Variants in RBFOX1 observed in about 807,000 individuals in gnomAD.
The protein encoded by RBFOX1 is RNA binding protein fox-1 homolog 1.
In RBFOX1, 8 loss-of-function variants were observed where a neutral mutation model predicts 57.7. That is an observed-to-expected ratio of 0.14 (90% CI 0.08 to 0.25). The LOEUF (loss-of-function observed/expected upper bound fraction) is 0.25. Among genes scored for constraint, RBFOX1 ranks in the 10% least tolerant of loss-of-function variants. The pLI is 1.00. For missense variants in RBFOX1, 611 were observed against 548.5 expected, an observed-to-expected ratio of 1.11 and a Z score of -1.14; for synonymous variants, 326 against 222.4, an observed-to-expected ratio of 1.47 and a Z score of -4.15.
chr16:6,601,628 C>G (rs189174287), intron 2 of RBFOX1, among the ~76,000 whole-genome samples: 2 of 152,278 alleles, frequency 1.3e-5, no homozygotes, highest in Non-Finnish European at 2.9e-5. Context: ...ATCCTTGGGA[C>G]TAGCTCGCTC....
intron 2 of RBFOX1, among the ~76,000 whole-genome samples, chr16:5,469,371 A>G (rs2069057753): frequency 6.6e-6 from 1 of 152,112 alleles, no homozygotes; most frequent in Non-Finnish European, 1.5e-5. Flanking sequence ...CATCTAATGA[A>G]GTGTTTGTTG....
intron 5 of RBFOX1, among the ~76,000 whole-genome samples, chr16:7,542,039 G>C (rs1268847388): frequency 6.6e-6 from 1 of 152,216 alleles, no homozygotes; most frequent in African/African-American, 2.4e-5. Flanking sequence ...CTGGGAAGAA[G>C]TGTGGGTACT....
intron 3 of RBFOX1, among the ~76,000 whole-genome samples, chr16:6,994,340 G>A (rs2091950915): frequency 6.6e-6 from 1 of 152,144 alleles, no homozygotes; most frequent in Non-Finnish European, 1.5e-5. Context: ...AGAGTCTAAT[G>A]ATCTTAAAGT....
intron 4 of RBFOX1, among the ~76,000 whole-genome samples, chr16:5,926,354 G>A (rs1362360282): frequency 6.6e-6 from 1 of 152,134 alleles, no homozygotes; most frequent in Non-Finnish European, 1.5e-5. Flanking sequence ...CAGGGATACT[G>A]GCTGTTCTTA....
intron 4 of RBFOX1, among the ~76,000 whole-genome samples, chr16:5,961,072 A>T (rs2059738205): frequency 6.6e-6 from 1 of 152,174 alleles, no homozygotes; most frequent in Non-Finnish European, 1.5e-5. Context: ...AAGTTTGAGA[A>T]ATGTGTTTTC....
chr16:5,574,176 C>G (rs1310342099), intron 2 of RBFOX1, among the ~76,000 whole-genome samples: 1 of 152,038 alleles, frequency 6.6e-6, no homozygotes, highest in Non-Finnish European at 1.5e-5. Context: ...ATGAGGGCAT[C>G]GAGTTCATTG....
rs536388617 is a variant in RBFOX1, at chr16:7,179,202, T to C, written c.27+127104T>C. Among the ~76,000 whole-genome samples, 44 of 150,646 alleles carry C rather than the reference T, an allele frequency of 2.9e-4. No homozygotes were observed. The South Asian group carries it at 6.1e-3, about 21-fold the overall frequency. ...ATAAAACAACAAATTTTTATCTATA[T>C]GGAAGGATGCTTAACCGGGATTTTT... On this transcript the variant is annotated intron_variant, in intron 4 of 15. Coordinates refer to ENST00000550418, the MANE Select transcript of RBFOX1 (RefSeq NM_018723.4).
intron 3 of RBFOX1, among the ~76,000 whole-genome samples, chr16:6,838,632 C>G (rs1330908587): frequency 6.6e-6 from 1 of 152,180 alleles, no homozygotes; most frequent in Non-Finnish European, 1.5e-5. Context: ...AAGTTGCTGT[C>G]TAACACCACT....
intron 13 of RBFOX1, among the ~76,000 whole-genome samples, chr16:7,670,893 A>C (rs758401853): frequency 2.6e-5 from 4 of 152,210 alleles, no homozygotes; most frequent in Non-Finnish European, 4.4e-5. Context: ...CAAGGATTCT[A>C]CAGAGACCTT....
At chr16:5,914,836 A>G (rs1043888888) in intron 4 of RBFOX1, among the ~76,000 whole-genome samples, 2 of 152,106 alleles carry the variant, frequency 1.3e-5, no homozygotes, top group Non-Finnish European at 2.9e-5. Context: ...CGGAGCTTGC[A>G]GTGAGCCGAG....
chr16:6,116,708 T>C (rs1312988536), intron 1 of RBFOX1, among the ~76,000 whole-genome samples: 1 of 152,164 alleles, frequency 6.6e-6, no homozygotes, highest in Non-Finnish European at 1.5e-5. Context: ...CAAGTCTGAG[T>C]TGGGCTTCTT....
chr16:6,159,583 TG>T (rs777936446), intron 1 of RBFOX1, among the ~76,000 whole-genome samples: 3 of 152,206 alleles, frequency 2.0e-5, no homozygotes, highest in Non-Finnish European at 1.5e-5. Context: ...ACTTGTTGAA[TG>T]GAGGAAAGTT....
intron 4 of RBFOX1, 48 bp downstream of exon 4, chr16:7,052,146 G>C: frequency 6.3e-7 from 1 of 1,576,456 alleles, no homozygotes; most frequent in South Asian, 1.2e-5. Context: ...ATTTTTGTGT[G>C]ATAAGCAAAA....
At chr16:5,984,589 T>C (rs139793056) in intron 4 of RBFOX1, among the ~76,000 whole-genome samples, 1 of 152,246 alleles carries the variant, frequency 6.6e-6, no homozygotes, top group East Asian at 1.9e-4. Context: ...AACTGCACAT[T>C]CTGGTATTAT....
At chr16:7,050,220 C>T (rs977762373) in intron 3 of RBFOX1, among the ~76,000 whole-genome samples, 22 of 149,662 alleles carry the variant, frequency 1.5e-4, no homozygotes, top group Admixed American at 6.7e-4. Context: ...ATATTTCTCC[C>T]AGTCTTTTCC....
chr16:7,351,691 CACCTGGT>C (rs748485893), intron 4 of RBFOX1, among the ~76,000 whole-genome samples: 1 of 152,142 alleles, frequency 6.6e-6, no homozygotes, highest in African/African-American at 2.4e-5. Flanking sequence ...GCCTTAGAGA[CACCTGGT>C]ACTTTACTCT....
At chr16:5,990,924 A>G (rs1475844684) in intron 4 of RBFOX1, among the ~76,000 whole-genome samples, 2 of 152,184 alleles carry the variant, frequency 1.3e-5, no homozygotes, top group African/African-American at 4.8e-5. Flanking sequence ...CAGTGAGATG[A>G]GCACACACCA....
intron 4 of RBFOX1, among the ~76,000 whole-genome samples, chr16:7,314,774 C>T (rs1471128275): frequency 1.3e-5 from 2 of 152,162 alleles, no homozygotes; most frequent in African/African-American, 4.8e-5. Flanking sequence ...GCCGAATCAC[C>T]ATTTGTTCAC....
At chr16:6,389,269 C>T (rs544728173) in intron 2 of RBFOX1, among the ~76,000 whole-genome samples, 15 of 152,288 alleles carry the variant, frequency 9.8e-5, no homozygotes, top group African/African-American at 2.2e-4. Context: ...AATAATGAAA[C>T]GACATGCACA....
Sources: allele counts gnomAD v4.1 joint callset (sites outside exome capture counted in the v4.1 genomes callset), GRCh38; gene constraint gnomAD v4.1.1; transcripts MANE v1.5; gene names NCBI Gene and HGNC (gene_info 2026-07-23, HGNC 2026-07-21).